Variants in RXFP1 observed in about 807,000 individuals in gnomAD.
RXFP1 encodes relaxin receptor 1.
RXFP1 carries 73 observed loss-of-function variants against 89.8 expected under a neutral mutation model. The ratio of observed to expected loss-of-function variants is 0.81; its 90% CI spans 0.67 to 0.99. RXFP1 has a LOEUF of 0.99. Ranked by LOEUF, RXFP1 falls within the 50% of genes least tolerant of loss-of-function variation. The pLI is 0.00. For missense variants in RXFP1, 793 were observed against 895.5 expected (o/e 0.89, Z 1.46); for synonymous variants, 277 against 305.5 (o/e 0.91, Z 0.97).
At chr4:158,642,097 T>C (rs999100063) in intron 14 of RXFP1, among the ~76,000 whole-genome samples, 26 of 139,516 alleles carry the variant, frequency 1.9e-4, no homozygotes, top group Middle Eastern at 3.5e-3. Context: ...ATATAACTTC[T>C]TTTTTTTTTC....
At chr4:158,555,542 A>G (rs912100731) in intron 1 of RXFP1, among the ~76,000 whole-genome samples, 1 of 152,228 alleles carries the variant, frequency 6.6e-6, no homozygotes, top group Non-Finnish European at 1.5e-5. Context: ...AGCCGCACAC[A>G]GGTTACAGCA....
intron 1 of RXFP1, among the ~76,000 whole-genome samples, chr4:158,543,549 A>T (rs1361745460): frequency 1.3e-5 from 2 of 152,212 alleles, no homozygotes; most frequent in Admixed American, 6.5e-5. Flanking sequence ...GTGTCTCCAC[A>T]AACAAGATGG....
At chr4:158,528,024 G>A (rs1427945552) in intron 1 of RXFP1, among the ~76,000 whole-genome samples, 2 of 152,144 alleles carry the variant, frequency 1.3e-5, no homozygotes, top group Non-Finnish European at 2.9e-5. Flanking sequence ...CAAAATCCTA[G>A]CATCAATGAT....
intron 4 of RXFP1, among the ~76,000 whole-genome samples, chr4:158,602,632 T>A (rs1209840722): frequency 6.6e-6 from 1 of 152,142 alleles, no homozygotes; most frequent in African/African-American, 2.4e-5. Context: ...TCAAAGAAAA[T>A]TCTCTATTTA....
intron 1 of RXFP1, among the ~76,000 whole-genome samples, chr4:158,567,446 A>G (rs1409065583): frequency 6.6e-6 from 1 of 152,068 alleles, no homozygotes; most frequent in Non-Finnish European, 1.5e-5. Context: ...ATCTAGCTCA[A>G]GGTTTGTAAA....
At chr4:158,607,231 G>A (rs1320666688) in intron 5 of RXFP1, 41 of 780,868 alleles carry the variant, frequency 5.3e-5, no homozygotes, top group Middle Eastern at 2.2e-4. Flanking sequence ...ACTCAAGGTC[G>A]TATTTTCAGT....
At chr4:158,588,964 T>C (rs1758832023) in intron 2 of RXFP1, among the ~76,000 whole-genome samples, 1 of 152,204 alleles carries the variant, frequency 6.6e-6, no homozygotes, top group Non-Finnish European at 1.5e-5. Context: ...TAGTCCGCTC[T>C]CACGCTGCTA....
chr4:158,587,377 C>T (rs965572318), intron 2 of RXFP1, among the ~76,000 whole-genome samples: 1 of 152,082 alleles, frequency 6.6e-6, no homozygotes, highest in Non-Finnish European at 1.5e-5. Context: ...TTTAGTAATA[C>T]CTTGATTTGC....
chr4:158,615,213 G>A (rs1764322142), intron 8 of RXFP1, among the ~76,000 whole-genome samples: 1 of 152,144 alleles, frequency 6.6e-6, no homozygotes, highest in African/African-American at 2.4e-5. Context: ...TGGTGGAGTA[G>A]TCAGAACACA....
chr4:158,643,177 C>T (rs191072788), intron 14 of RXFP1, among the ~76,000 whole-genome samples: 128 of 152,206 alleles, frequency 8.4e-4, no homozygotes, highest in Non-Finnish European at 1.4e-3. Flanking sequence ...TAGCCTTTTC[C>T]TATTGGCACA....
chr4:158,640,912 A>T (rs911988562), intron 14 of RXFP1, among the ~76,000 whole-genome samples: 7 of 152,232 alleles, frequency 4.6e-5, no homozygotes, highest in African/African-American at 1.4e-4. Context: ...ACTTTGAAAC[A>T]TCTTTTATTC....
chr4:158,573,279 A>G (rs1329275202), intron 2 of RXFP1, among the ~76,000 whole-genome samples: 1 of 152,116 alleles, frequency 6.6e-6, no homozygotes, highest in Admixed American at 6.5e-5. Flanking sequence ...TAGTGCCGGG[A>G]TTACAGGCAT....
At chr4:158,554,083 T>A (rs562398285) in intron 1 of RXFP1, among the ~76,000 whole-genome samples, 1 of 152,196 alleles carries the variant, frequency 6.6e-6, no homozygotes, top group South Asian at 2.1e-4. Flanking sequence ...CCCCAAGTTG[T>A]GACAATCAAA....
At chr4:158,539,902 G>A (rs1746186076) in intron 1 of RXFP1, among the ~76,000 whole-genome samples, 2 of 152,140 alleles carry the variant, frequency 1.3e-5, no homozygotes, top group Non-Finnish European at 2.9e-5. Flanking sequence ...CAGGTGGAGT[G>A]GAATGAAGTA....
chr4:158,572,241 G>A (rs1755239031), intron 1 of RXFP1, among the ~76,000 whole-genome samples: 1 of 152,120 alleles, frequency 6.6e-6, no homozygotes, highest in Non-Finnish European at 1.5e-5. Flanking sequence ...GTGTGTGCCC[G>A]TGTACTTAAT....
intron 12 of RXFP1, 90 bp from the exon 13 acceptor site, chr4:158,637,918 T>C (rs1005691909): frequency 2.6e-5 from 20 of 761,312 alleles, no homozygotes; most frequent in Non-Finnish European, 4.1e-5. Flanking sequence ...CGTTCATAAA[T>C]ATGTTAAAGT....
chr4:158,640,081 C>T (rs1022476442), intron 14 of RXFP1, among the ~76,000 whole-genome samples: 12 of 152,060 alleles, frequency 7.9e-5, no homozygotes, highest in African/African-American at 2.7e-4. Context: ...GTTACAGCAG[C>T]CAAGTGGACT....
chr4:158,628,677 T>C lies in RXFP1; in HGVS notation c.867T>C (p.Asn289=). The part of the protein sequence containing the change: ...RKNKINHLNE[N]TFAPLQKLDE... ...ACAAAATTAATCACTTAAATGAAAA[T>C]ACTTTTGCACCTCTCCAGAAACTGG... Residue 289 remains asparagine (N), a synonymous_variant, in exon 11 of 18, where the codon AAT becomes AAC. Transcript: ENST00000307765. The C allele has an allele frequency of 1.9e-6, 3 of 1,580,088 alleles. No individual in the cohort carries two copies. Among genetic ancestry groups the C allele is most frequent in the Non-Finnish European group, 2.6e-6 (3 of 1,151,758 alleles).
chr4:158,568,010 G>A (rs1221339499), intron 1 of RXFP1, among the ~76,000 whole-genome samples: 3 of 152,150 alleles, frequency 2.0e-5, no homozygotes, highest in Non-Finnish European at 2.9e-5. Context: ...AAGGTATAAA[G>A]CTTCACTCCT....
Sources: gnomAD v4.1 joint callset for allele counts (sites outside exome capture counted in the v4.1 genomes callset) on GRCh38, gnomAD v4.1.1 for gene constraint, MANE v1.5 for transcripts, NCBI Gene and HGNC (gene_info 2026-07-23, HGNC 2026-07-21) for gene names.